Variants in OR2T33 observed in about 807,000 individuals in gnomAD.
OR2T33 encodes the protein olfactory receptor 2T33.
In OR2T33, 10 loss-of-function variants were observed where a neutral mutation model predicts 14.0. That is an observed-to-expected ratio of 0.72 (90% CI 0.44 to 1.22). The LOEUF (loss-of-function observed/expected upper bound fraction) is 1.22, where lower values mean the gene tolerates loss of function less well. OR2T33 is among the 50% of genes most tolerant of loss of function. OR2T33 has a pLI of 0.00. For synonymous variants in OR2T33, 103 were observed against 159.4 expected, an observed-to-expected ratio of 0.65 and a Z score of 2.66; for missense variants, 276 against 405.9, an observed-to-expected ratio of 0.68 and a Z score of 2.75.
intron 1 of OR2T33, 116 bp downstream of exon 1, chr1:248,277,649 G>T (rs1659462782): frequency 6.6e-6 from 1 of 151,988 alleles, no homozygotes; most frequent in Non-Finnish European, 1.5e-5. Context: ...ACTTTACAAA[G>T]GTTACTTTAC....
chr1:248,273,181 T>C lies in OR2T33; in HGVS notation c.634A>G (p.Ile212Val). Reference protein sequence around the residue: ...VLMLLVPFSLILSSYGLILAA... With the variant: ...VLMLLVPFSLVLSSYGLILAA... ...AGGATGAGACCATAGGAGGACAGGA[T>C]GAGGGAAAAGGGGACCAGGAGCATT... Residue 212 changes from isoleucine to valine, a missense_variant, in exon 2 of 2, where the codon ATC (isoleucine) becomes GTC (valine). Transcript: ENST00000641220. 1 of 1,608,982 alleles carries C rather than the reference T, an allele frequency of 6.2e-7. No individual in the cohort carries two copies. Among genetic ancestry groups the C allele is most frequent in the East Asian group, 2.2e-5 (1 of 44,796 alleles).
intron 1 of OR2T33, 37 bp from the exon 2 acceptor site, chr1:248,273,859 A>G (rs1424068802): frequency 1.3e-6 from 2 of 1,574,784 alleles, no homozygotes; most frequent in African/African-American, 1.4e-5. Flanking sequence ...TAGAGAAGGA[A>G]GAGGCTTTTA....
At position 248,272,869 on chromosome 1, in the gene OR2T33, C is replaced by A. The variant is rs1163811178; in HGVS notation, c.946G>T (p.Ala316Ser). The change falls in exon 2 of 2, where the codon GCC becomes TCC. Residue 316 changes from alanine (A) to serine (S), a missense_variant. Coordinates refer to ENST00000641220, the MANE Select transcript of OR2T33 (RefSeq NM_001004695.2). ...CVNIKHQQNE[A>S]HRSR ...ACATTAGATCATCTTGACCTGTGGG[C>A]CTCATTTTGCTGGTGTTTTATGTTT... 6.2e-7 allele frequency: 1 copy of A among 1,612,624 alleles called. No homozygotes were observed. Among genetic ancestry groups the A allele is most frequent in the Non-Finnish European group, 8.5e-7 (1 of 1,179,318 alleles).
chr1:248,274,846 G>A (rs1020143809), intron 1 of OR2T33, among the ~76,000 whole-genome samples: 3 of 152,156 alleles, frequency 2.0e-5, no homozygotes. Flanking sequence ...GTCTGTTTCA[G>A]ATTTTTAAAA....
At chr1:248,275,933 T>G (rs1572822976) in intron 1 of OR2T33, among the ~76,000 whole-genome samples, 1 of 152,194 alleles carries the variant, frequency 6.6e-6, no homozygotes. Context: ...CATTTTATAT[T>G]ATGATATAAG....
chr1:248,273,559 C>A lies in OR2T33; in HGVS notation c.256G>T (p.Gly86Ter). 1 of 1,613,162 alleles carries A rather than the reference C, an allele frequency of 6.2e-7. No individual in the cohort carries two copies. The highest frequency in any genetic ancestry group is 2.2e-5 in the East Asian group (1 of 44,840). Residue 86 changes from glycine to a stop codon, truncating the protein, a stop_gained, in exon 2 of 2, where the codon GGA (glycine) becomes TGA (stop). Coordinates refer to ENST00000641220, the MANE Select transcript of OR2T33 (RefSeq NM_001004695.2). LOFTEE classifies it high-confidence loss of function. ...VPKMAADYLT[G>*]SKAISRAGCG... The stretch of plus-strand genomic sequence containing the variant: ...CCAGCGCGGGAGATGGCCTTACTTC[C>A]GGTCAAGTAGTCAGCCGCCATTTTG...
chr1:248,272,588 AAGTAGGAGATATTGTCAAC>A lies in OR2T33; in HGVS notation c.*245_*263del. On this transcript the variant is annotated 3_prime_UTR_variant, in exon 2 of 2. Coordinates refer to ENST00000641220, the MANE Select transcript of OR2T33 (RefSeq NM_001004695.2). ...CCATGCATTAATTTCTTTTTTTAGA[AAGTAGGAGATATTGTCAAC>A]AGTACTTATATCATGGGGTTGTTGT... 3 of 382,000 alleles carry A rather than the reference AAGTAGGAGATATTGTCAAC, an allele frequency of 7.9e-6. No individual in the cohort carries two copies. Among genetic ancestry groups the A allele is most frequent in the Middle Eastern group, 7.4e-4 (1 of 1,350 alleles). The allele number at this position is 382,000 out of a possible 1,614,324, so 23.7% of individuals were successfully genotyped here. A position where few individuals can be genotyped will look rare whatever the true frequency, so the allele number is the denominator to read the frequency against.
intron 1 of OR2T33, among the ~76,000 whole-genome samples, chr1:248,275,255 C>A (rs1659435113): frequency 6.6e-6 from 1 of 152,164 alleles, no homozygotes; most frequent in Non-Finnish European, 1.5e-5. Flanking sequence ...CACAAACACA[C>A]AGTAACACCA....
chr1:248,275,064 C>G (rs1659432242), intron 1 of OR2T33, among the ~76,000 whole-genome samples: 2 of 152,148 alleles, frequency 1.3e-5, no homozygotes, highest in Non-Finnish European at 2.9e-5. Flanking sequence ...CACAAAGAGG[C>G]AAAGAGCTAA....
In OR2T33 at chr1:248,272,827, G is replaced by A. The variant is rs750948833; in HGVS notation, c.*25C>T. Reference sequence around the variant, plus strand: ...TGTGTTAAAATATTAATAAATTCAGGAACTTAGACTCATTTGACATTAGAT... The same window carrying A: ...TGTGTTAAAATATTAATAAATTCAGAAACTTAGACTCATTTGACATTAGAT... On this transcript the variant is annotated 3_prime_UTR_variant, in exon 2 of 2. Transcript: ENST00000641220. 2.0e-5 allele frequency: 31 copies of A among 1,569,248 alleles called. No individual in the cohort carries two copies. Among genetic ancestry groups the A allele is most frequent in the Admixed American group, 4.0e-5 (2 of 49,858 alleles).
intron 1 of OR2T33, among the ~76,000 whole-genome samples, chr1:248,275,772 T>C (rs763877548): frequency 6.6e-6 from 1 of 152,134 alleles, no homozygotes; most frequent in Non-Finnish European, 1.5e-5. Context: ...GTCAGCTTTT[T>C]CCAGATTACA....
At position 248,272,985 on chromosome 1, in the gene OR2T33, G is replaced by A. The variant is rs113045980; in HGVS notation, c.830C>T (p.Thr277Ile). 6.3e-5 allele frequency: 101 copies of A among 1,614,048 alleles called. 1 individual carries two copies. The African/African-American group carries it at 1.2e-3, about 19-fold the overall frequency. Residue 277 changes from threonine (T) to isoleucine (I), a missense_variant, in exon 2 of 2, where the codon ACT becomes ATT. Coordinates refer to ENST00000641220, the MANE Select transcript of OR2T33 (RefSeq NM_001004695.2). Reference sequence around the variant, plus strand: ...GGGGTTTAGTAAAGGGGTGAACATAGTATAGAAGGCTGACACAACCTTGTC... The same window carrying A: ...GGGGTTTAGTAAAGGGGTGAACATAATATAGAAGGCTGACACAACCTTGTC... ...NHDKVVSAFY[T>I]MFTPLLNPLI... is the part of the protein sequence containing the mutation.
Position 248,273,013 on chromosome 1 carries a change from G to T in OR2T33, c.802C>A (p.His268Asn). 1.2e-6 allele frequency: 2 copies of T among 1,614,038 alleles called. No individual in the cohort carries two copies. ...MRPKSHRSTN[H>N]DKVVSAFYTM... ...TAGAAGGCTGACACAACCTTGTCAT[G>T]GTTAGTGGACCTATGGGATTTGGGT... Residue 268 changes from histidine to asparagine, a missense_variant, in exon 2 of 2, where the codon CAT (histidine) becomes AAT (asparagine). Transcript: ENST00000641220.
In OR2T33 at chr1:248,270,393, A is replaced by T. The variant is rs952846401; in HGVS notation, c.*2459T>A. The T allele has an allele frequency of 2.0e-5, 3 of 152,254 alleles. No homozygotes were observed. Among genetic ancestry groups the T allele is most frequent in the Non-Finnish European group, 4.4e-5 (3 of 68,042 alleles). The allele number at this position is 152,254 out of a possible 1,614,324, so 9.4% of individuals were successfully genotyped here. A position where few individuals can be genotyped will look rare whatever the true frequency, so the allele number is the denominator to read the frequency against. The stretch of plus-strand genomic sequence containing the variant: ...TGTAACAAACCTGCACGTTGTGCAC[A>T]TGTACCCTAGAACTTAAAGAATAAT... On this transcript the variant is annotated 3_prime_UTR_variant, in exon 2 of 2. Coordinates refer to ENST00000641220, the MANE Select transcript of OR2T33 (RefSeq NM_001004695.2).
chr1:248,275,092 T>C (rs992811877), intron 1 of OR2T33, among the ~76,000 whole-genome samples: 18 of 152,224 alleles, frequency 1.2e-4, no homozygotes, highest in Non-Finnish European at 2.1e-4. Context: ...CTTTTATTCA[T>C]AGAATATTCG....
Position 248,272,131 on chromosome 1 carries a change from A to C in OR2T33, c.*721T>G, listed in dbSNP as rs1659379767. ...TCGATGGAGGTATGTCAATAAGTCA[A>C]GGTAACCTTAAAGCAGGTGTAGAAA... On this transcript the variant is annotated 3_prime_UTR_variant, in exon 2 of 2. Coordinates refer to ENST00000641220, the MANE Select transcript of OR2T33 (RefSeq NM_001004695.2). The C allele has an allele frequency of 6.6e-6, 1 of 152,238 alleles. No individual in the cohort carries two copies. The highest frequency in any genetic ancestry group is 2.1e-4 in the South Asian group (1 of 4,838). The allele number at this position is 152,238 out of a possible 1,614,324, so 9.4% of individuals were successfully genotyped here.
At chr1:248,276,758 C>T (rs1659451968) in intron 1 of OR2T33, among the ~76,000 whole-genome samples, 1 of 152,106 alleles carries the variant, frequency 6.6e-6, no homozygotes, top group Non-Finnish European at 1.5e-5. Flanking sequence ...CTTTTCAGCA[C>T]ATTGTATCAG....
chr1:248,271,870 C>T lies in OR2T33; in HGVS notation c.*982G>A. 1 of 152,176 alleles carries T rather than the reference C, an allele frequency of 6.6e-6. No individual in the cohort carries two copies. The highest frequency in any genetic ancestry group is 1.9e-4 in the East Asian group (1 of 5,204). The allele number at this position is 152,176 out of a possible 1,614,324, so 9.4% of individuals were successfully genotyped here. A position where few individuals can be genotyped will look rare whatever the true frequency, so the allele number is the denominator to read the frequency against. On this transcript the variant is annotated 3_prime_UTR_variant, in exon 2 of 2. Coordinates refer to ENST00000641220, the MANE Select transcript of OR2T33 (RefSeq NM_001004695.2). ...TGATAACCACAGCTTTCTGCCATCA[C>T]TATCTAGCTTGTGTCTTTATTAATA... is the stretch of plus-strand genomic sequence containing the variant.
rs1659372215 is a variant in OR2T33, at chr1:248,271,510, C to T, written c.*1342G>A. The T allele has an allele frequency of 6.6e-6, 1 of 152,176 alleles. No individual in the cohort carries two copies. Among genetic ancestry groups the T allele is most frequent in the African/African-American group, 2.4e-5 (1 of 41,448 alleles). The allele number at this position is 152,176 out of a possible 1,614,324, so 9.4% of individuals were successfully genotyped here. A position where few individuals can be genotyped will look rare whatever the true frequency, so the allele number is the denominator to read the frequency against. On this transcript the variant is annotated 3_prime_UTR_variant, in exon 2 of 2. Coordinates refer to ENST00000641220, the MANE Select transcript of OR2T33 (RefSeq NM_001004695.2). The stretch of plus-strand genomic sequence containing the variant: ...GAAAAGAGTTACTGAATAACCTTCT[C>T]TTGAGACATAGGCTCAGGATCTGCA...
Sources: gnomAD v4.1 joint callset for allele counts (sites outside exome capture counted in the v4.1 genomes callset) on GRCh38, gnomAD v4.1.1 for gene constraint, MANE v1.5 for transcripts, NCBI Gene and HGNC (gene_info 2026-07-23, HGNC 2026-07-21) for gene names.